The following CACNG3 variants were observed in gnomAD, a reference collection of about 807,000 sequenced individuals.
CACNG3 encodes the protein calcium voltage-gated channel auxiliary subunit gamma 3, also known as voltage-dependent calcium channel gamma-3 subunit.
CACNG3 carries 3 observed loss-of-function variants against 28.5 expected under a neutral mutation model. That is an observed-to-expected ratio of 0.11 (90% CI 0.05 to 0.27). The LOEUF is 0.27. Ranked by LOEUF, CACNG3 falls within the 10% of genes least tolerant of loss-of-function variation. The pLI, the probability that CACNG3 is intolerant of heterozygous loss-of-function variation, is 1.00. For missense variants in CACNG3, 236 were observed against 414.4 expected (o/e 0.57, Z 3.74); for synonymous variants, 174 against 162.2 (o/e 1.07, Z -0.55).
chr16:24,264,801 C>T (rs1336766589), intron 1 of CACNG3, among the ~76,000 whole-genome samples: 2 of 152,162 alleles, frequency 1.3e-5, no homozygotes, highest in Non-Finnish European at 2.9e-5. Flanking sequence ...TGAAATCTGC[C>T]TAAACTGTCA....
chr16:24,348,050 C>A (rs376188814), intron 2 of CACNG3, among the ~76,000 whole-genome samples: 3 of 152,056 alleles, frequency 2.0e-5, no homozygotes, highest in Admixed American at 6.6e-5. Flanking sequence ...ACAGAGAGAA[C>A]TTGATTTGGG....
chr16:24,277,277 G>A (rs1898764225), intron 1 of CACNG3, among the ~76,000 whole-genome samples: 1 of 152,170 alleles, frequency 6.6e-6, no homozygotes, highest in African/African-American at 2.4e-5. Context: ...GGCATCTGGA[G>A]TTTATACTAA....
At chr16:24,259,652 C>A (rs1368084059) in intron 1 of CACNG3, among the ~76,000 whole-genome samples, 1 of 152,068 alleles carries the variant, frequency 6.6e-6, no homozygotes, top group Non-Finnish European at 1.5e-5. Flanking sequence ...CAGCTGTCTG[C>A]AAATATCTGA....
At chr16:24,312,920 G>GA (rs1899285369) in intron 1 of CACNG3, among the ~76,000 whole-genome samples, 11 of 122,130 alleles carry the variant, frequency 9.0e-5, no homozygotes, top group East Asian at 4.7e-4. Context: ...AGGAAGGAAG[G>GA]AAGAAAGAAA....
intron 1 of CACNG3, among the ~76,000 whole-genome samples, chr16:24,304,567 G>C (rs1567214175): frequency 6.6e-6 from 1 of 152,088 alleles, no homozygotes; most frequent in Non-Finnish European, 1.5e-5. Context: ...AGCACAGACT[G>C]GGGTATTTGG....
chr16:24,272,414 C>T (rs1188696533), intron 1 of CACNG3, among the ~76,000 whole-genome samples: 1 of 151,928 alleles, frequency 6.6e-6, no homozygotes, highest in Non-Finnish European at 1.5e-5. Context: ...GATTAGGGAG[C>T]ATACATTTTT....
rs551171716 is a variant in CACNG3 at position 24,355,711 on chromosome 16, C to T, written c.436+738C>T. Among the ~76,000 whole-genome samples, 7 of 152,306 alleles carry T rather than the reference C, an allele frequency of 4.6e-5. No homozygotes were observed. In the South Asian group the frequency reaches 1.4e-3, roughly 32 times the overall value. Reference sequence around the variant, plus strand: ...CTACTTATTGTTCAAGCCTCTCTTACTCACCATTTTATACCCTCCTCCACT... The same window carrying T: ...CTACTTATTGTTCAAGCCTCTCTTATTCACCATTTTATACCCTCCTCCACT... On this transcript the variant is annotated intron_variant, in intron 3 of 3. Transcript: ENST00000005284.
intron 1 of CACNG3, among the ~76,000 whole-genome samples, chr16:24,267,842 T>C (rs1002946894): frequency 1.1e-4 from 16 of 152,074 alleles, no homozygotes; most frequent in Admixed American, 7.2e-4. Flanking sequence ...GCTAATTTTT[T>C]GTATTTTTAG....
chr16:24,323,281 C>CATCTTTCT (rs1421496539), intron 1 of CACNG3, among the ~76,000 whole-genome samples: 37 of 147,648 alleles, frequency 2.5e-4, no homozygotes, highest in African/African-American at 9.0e-4. Context: ...TCCATATGGA[C>CATCTTTCT]ATCTTTCTGG....
At chr16:24,297,000 T>G (rs1899040012) in intron 1 of CACNG3, among the ~76,000 whole-genome samples, 1 of 152,128 alleles carries the variant, frequency 6.6e-6, no homozygotes, top group Non-Finnish European at 1.5e-5. Context: ...TACAGTGGCC[T>G]GCACCTGTAA....
intron 1 of CACNG3, among the ~76,000 whole-genome samples, chr16:24,271,754 G>A (rs565695211): frequency 8.3e-4 from 126 of 152,296 alleles, no homozygotes; most frequent in African/African-American, 3.0e-3. Flanking sequence ...CTGATAGAGT[G>A]CACCCAGGTG....
chr16:24,341,365 T>G (rs1289854550), intron 1 of CACNG3, among the ~76,000 whole-genome samples: 1 of 150,956 alleles, frequency 6.6e-6, no homozygotes, highest in Non-Finnish European at 1.5e-5. Context: ...CCTTCTATAT[T>G]GCTTCTTAAA....
chr16:24,283,544 T>C (rs1019089406), intron 1 of CACNG3, among the ~76,000 whole-genome samples: 1 of 152,254 alleles, frequency 6.6e-6, no homozygotes, highest in African/African-American at 2.4e-5. Flanking sequence ...TACAGATCTA[T>C]AATTATTTAT....
At chr16:24,258,881 G>T (rs1023983147) in intron 1 of CACNG3, among the ~76,000 whole-genome samples, 1 of 152,136 alleles carries the variant, frequency 6.6e-6, no homozygotes, top group Non-Finnish European at 1.5e-5. Context: ...TCCTCATTAT[G>T]ATCTATGAAA....
chr16:24,261,401 G>A (rs569447267), intron 1 of CACNG3, among the ~76,000 whole-genome samples: 1 of 152,162 alleles, frequency 6.6e-6, no homozygotes, highest in Non-Finnish European at 1.5e-5. Context: ...TAGACACCAA[G>A]TGTGGCCCAA....
chr16:24,297,915 G>A (rs1424526535), intron 1 of CACNG3, among the ~76,000 whole-genome samples: 1 of 151,994 alleles, frequency 6.6e-6, no homozygotes, highest in Non-Finnish European at 1.5e-5. Flanking sequence ...CAAAGTTGTT[G>A]TCACAGTAGC....
chr16:24,257,041 A>G (rs1898467947), intron 1 of CACNG3, 76 bp downstream of exon 1: 1 of 923,496 alleles, frequency 1.1e-6, no homozygotes, highest in Non-Finnish European at 1.7e-6. Flanking sequence ...GGAGATGGAA[A>G]TGGTGATAAG....
chr16:24,316,144 C>G (rs963430357), intron 1 of CACNG3, among the ~76,000 whole-genome samples: 3 of 151,768 alleles, frequency 2.0e-5, no homozygotes, highest in Admixed American at 2.0e-4. Context: ...AGATAACACA[C>G]CCTGGAAGCC....
At chr16:24,328,972 C>T (rs552693402) in intron 1 of CACNG3, among the ~76,000 whole-genome samples, 1 of 152,304 alleles carries the variant, frequency 6.6e-6, no homozygotes, top group South Asian at 2.1e-4. Flanking sequence ...GCCACACCCC[C>T]ATCATATGGC....
Sources: allele counts gnomAD v4.1 joint callset (sites outside exome capture counted in the v4.1 genomes callset), GRCh38; gene constraint gnomAD v4.1.1; transcripts MANE v1.5; gene names NCBI Gene and HGNC (gene_info 2026-07-23, HGNC 2026-07-21).